The following SCHIP1 variants were observed in gnomAD, a reference collection of about 807,000 sequenced individuals.
The protein encoded by SCHIP1 is schwannomin-interacting protein 1.
Under a neutral mutation model 29.7 loss-of-function variants are expected in SCHIP1, and 8 were observed. The ratio of observed to expected loss-of-function variants is 0.27; its 90% CI spans 0.16 to 0.49. The LOEUF (loss-of-function observed/expected upper bound fraction) is 0.49. Among genes scored for constraint, SCHIP1 ranks in the 20% least tolerant of loss-of-function variants. SCHIP1 has a pLI of 0.99. For synonymous variants in SCHIP1, 76 were observed against 94.9 expected, an observed-to-expected ratio of 0.80 and a Z score of 1.16; for missense variants, 193 against 294.6, an observed-to-expected ratio of 0.66 and a Z score of 2.52.
chr3:159,345,369 G>A, the SCHIP1 span, among the ~76,000 whole-genome samples: 5 of 151,958 alleles, frequency 3.3e-5, no homozygotes, highest in Non-Finnish European at 1.5e-5. Context: ...ACCAATCAAC[G>A]CTAAAAACGA....
the SCHIP1 span, among the ~76,000 whole-genome samples, chr3:159,285,170 A>G: frequency 6.6e-6 from 1 of 152,150 alleles, no homozygotes; most frequent in African/African-American, 2.4e-5. Flanking sequence ...TTCATATAGA[A>G]ATATAATCCT....
At chr3:159,853,816 C>T (rs866631570) in intron 1 of SCHIP1, among the ~76,000 whole-genome samples, 9 of 152,274 alleles carry the variant, frequency 5.9e-5, no homozygotes, top group Middle Eastern at 3.4e-3. Flanking sequence ...GAATGTTTAA[C>T]CTATTTTTCC....
chr3:159,809,943 G>A, the SCHIP1 span, among the ~76,000 whole-genome samples: 3 of 152,208 alleles, frequency 2.0e-5, no homozygotes, highest in East Asian at 3.9e-4. Context: ...GCAGTCAGCC[G>A]AGATTGCACC....
chr3:159,748,152 A>G, the SCHIP1 span, among the ~76,000 whole-genome samples: 1 of 152,208 alleles, frequency 6.6e-6, no homozygotes, highest in Non-Finnish European at 1.5e-5. Context: ...TGTAAAGCAC[A>G]TTATTTTATA....
At chr3:159,759,787 C>A in the SCHIP1 span, among the ~76,000 whole-genome samples, 1 of 152,190 alleles carries the variant, frequency 6.6e-6, no homozygotes, top group Admixed American at 6.5e-5. Context: ...TTCTTTATTA[C>A]TCTAAATGCC....
chr3:159,843,100 G>A (rs1744429153), intron 1 of SCHIP1, among the ~76,000 whole-genome samples: 1 of 141,072 alleles, frequency 7.1e-6, no homozygotes. Flanking sequence ...ATCAAACTCA[G>A]CTGCTGAGTT....
chr3:159,489,705 AAAC>A, the SCHIP1 span, among the ~76,000 whole-genome samples: 10 of 152,270 alleles, frequency 6.6e-5, no homozygotes, highest in South Asian at 4.1e-4. Context: ...GTGGTCAAAT[AAAC>A]AACAAGACAG....
At chr3:159,445,947 A>G in the SCHIP1 span, among the ~76,000 whole-genome samples, 1 of 151,782 alleles carries the variant, frequency 6.6e-6, no homozygotes, top group East Asian at 1.9e-4. Context: ...TAATGGGTGC[A>G]GCACACCAGC....
At chr3:159,474,462 GTATCT>G in the SCHIP1 span, among the ~76,000 whole-genome samples, 5 of 152,170 alleles carry the variant, frequency 3.3e-5, no homozygotes, top group African/African-American at 1.2e-4. Context: ...ATTAAATAGA[GTATCT>G]TATGAATAAG....
chr3:159,544,386 A>C, the SCHIP1 span, among the ~76,000 whole-genome samples: 1 of 152,054 alleles, frequency 6.6e-6, no homozygotes, highest in Non-Finnish European at 1.5e-5. Flanking sequence ...GGAGTGGAGA[A>C]GTGGAACTGC....
At chr3:159,736,709 C>A in the SCHIP1 span, among the ~76,000 whole-genome samples, 1 of 152,148 alleles carries the variant, frequency 6.6e-6, no homozygotes, top group African/African-American at 2.4e-5. Flanking sequence ...TCTCCCCACA[C>A]CTACCCTTGT....
chr3:159,704,814 T>A, the SCHIP1 span, among the ~76,000 whole-genome samples: 10 of 151,172 alleles, frequency 6.6e-5, no homozygotes, highest in Admixed American at 6.6e-4. Flanking sequence ...CAATATTTTC[T>A]TTCTTTCTTT....
chr3:159,790,207 T>C, the SCHIP1 span, among the ~76,000 whole-genome samples: 4 of 152,240 alleles, frequency 2.6e-5, no homozygotes, highest in African/African-American at 9.6e-5. Context: ...TCAAAGTTCA[T>C]AGAAATTGGA....
At chr3:159,764,938 C>T in the SCHIP1 span, 70 of 1,497,164 alleles carry the variant, frequency 4.7e-5, no homozygotes, top group South Asian at 8.8e-4. The surrounding 1 kb of genome is among the most constrained non-coding windows in gnomAD (Gnocchi z 6.1). Context: ...AAAGCCCCAG[C>T]CGGCTGGGGG....
chr3:159,894,644 C>T (rs944396466), intron 6 of SCHIP1: 1 of 151,620 alleles, frequency 6.6e-6, no homozygotes, highest in African/African-American at 2.4e-5. Context: ...TCATTCTTTA[C>T]TGTGTCCCCA....
chr3:159,774,730 C>T, the SCHIP1 span, among the ~76,000 whole-genome samples: 13 of 152,042 alleles, frequency 8.6e-5, no homozygotes, highest in African/African-American at 2.2e-4. Flanking sequence ...TTTTTGCTTC[C>T]TCTAACCAAT....
the SCHIP1 span, among the ~76,000 whole-genome samples, chr3:159,551,577 T>G: frequency 6.6e-6 from 1 of 152,198 alleles, no homozygotes; most frequent in Non-Finnish European, 1.5e-5. Context: ...AATAATGAAC[T>G]GTATAATACT....
the SCHIP1 span, among the ~76,000 whole-genome samples, chr3:159,466,153 C>T: frequency 1.3e-5 from 2 of 151,912 alleles, no homozygotes; most frequent in Admixed American, 6.6e-5. Context: ...AAGAAGATTA[C>T]AATTTAATTG....
chr3:159,826,129 A>C, the SCHIP1 span, among the ~76,000 whole-genome samples: 2 of 152,234 alleles, frequency 1.3e-5, no homozygotes, highest in African/African-American at 4.8e-5. Flanking sequence ...AAGATGTGAC[A>C]AAATCTGATT....
Sources: gnomAD v4.1 joint callset for allele counts (sites outside exome capture counted in the v4.1 genomes callset) on GRCh38, gnomAD v4.1.1 for gene constraint, Gnocchi (gnomAD v3.1) non-coding constraint, MANE v1.5 for transcripts, NCBI Gene and HGNC (gene_info 2026-07-23, HGNC 2026-07-21) for gene names.